Variants in MPG observed in about 807,000 individuals in gnomAD.
The protein encoded by MPG is N-methylpurine DNA glycosylase.
MPG carries 33 observed loss-of-function variants against 31.7 expected under a neutral mutation model. The ratio of observed to expected loss-of-function variants is 1.04; its 90% CI spans 0.79 to 1.39. MPG has a LOEUF of 1.39. Among genes scored for constraint, MPG ranks in the 40% most tolerant of loss-of-function variants. The pLI is 0.00. For synonymous variants in MPG, 202 were observed against 169.2 expected, an observed-to-expected ratio of 1.19 and a Z score of -1.51; for missense variants, 455 against 415.5, an observed-to-expected ratio of 1.10 and a Z score of -0.83.
intron 2 of MPG, among the ~76,000 whole-genome samples, chr16:81,304 C>T (rs1454237281): frequency 6.6e-6 from 1 of 152,162 alleles, no homozygotes; most frequent in South Asian, 2.1e-4. Flanking sequence ...AAATCCTGAT[C>T]AGAAATTTGG....
intron 1 of MPG, among the ~76,000 whole-genome samples, chr16:78,646 ATC>A (rs917615053): frequency 2.0e-5 from 3 of 152,118 alleles, no homozygotes; most frequent in Non-Finnish European, 4.4e-5. Flanking sequence ...AAAATAATGC[ATC>A]TCTCCCATGC....
chr16:78,177 C>A (rs76079375), upstream of MPG: 2 of 755,152 alleles, frequency 2.6e-6, no homozygotes, highest in South Asian at 3.8e-5. Flanking sequence ...CTCACTGCCC[C>A]CCTTCTCCCG....
chr16:85,346 G>A (rs1260145340), intron 3 of MPG, 55 bp from the exon 4 acceptor site: 2 of 1,531,880 alleles, frequency 1.3e-6, no homozygotes, highest in Non-Finnish European at 1.7e-6. Context: ...TGTGTACTAG[G>A]GCAGAGAGGA....
At chr16:83,373 T>TCCAGG in intron 3 of MPG, 117 bp downstream of exon 3, 2 of 1,058,096 alleles carry the variant, frequency 1.9e-6, no homozygotes, top group Non-Finnish European at 2.8e-6. Context: ...AGGTGCCACT[T>TCCAGG]CCAGGCCAGG....
intron 1 of MPG, 92 bp from the exon 2 acceptor site, chr16:79,333 T>C: frequency 6.2e-7 from 1 of 1,613,114 alleles, no homozygotes; most frequent in Non-Finnish European, 8.5e-7. Flanking sequence ...CCAAAGCAGG[T>C]GGTCAGATCC....
At chr16:80,397 A>G (rs1898207765) in intron 2 of MPG, among the ~76,000 whole-genome samples, 1 of 152,222 alleles carries the variant, frequency 6.6e-6, no homozygotes, top group Non-Finnish European at 1.5e-5. Context: ...GAACCAGAAG[A>G]GAAATACCAG....
intron 1 of MPG, among the ~76,000 whole-genome samples, chr16:78,981 C>A (rs1028960200): frequency 7.3e-6 from 1 of 137,912 alleles, no homozygotes; most frequent in African/African-American, 3.6e-5. Context: ...CGACCTTGGC[C>A]CTGCTAAGAT....
rs776228234 is a variant in MPG at position 85,551 on chromosome 16, C to T, written c.656C>T (p.Ala219Val). ...LCSGPSKLCQ[A>V]LAINKSFDQR... ...AGTGGCCCCTCCAAGCTGTGCCAGGCCCTGGCCATCAACAAGAGCTTTGAC... is the reference window on the plus strand; with the variant it reads ...AGTGGCCCCTCCAAGCTGTGCCAGGTCCTGGCCATCAACAAGAGCTTTGAC... The change falls in exon 4 of 4, where the codon GCC becomes GTC. Residue 219 changes from alanine (A) to valine (V), a missense_variant. By Grantham distance (64) the Ala-to-Val change is moderately conservative. Coordinates refer to ENST00000356432, the MANE Select transcript of MPG (RefSeq NM_001015052.3). The T allele has an allele frequency of 4.3e-6, 7 of 1,613,406 alleles. No homozygotes were observed. The South Asian group carries it at 6.6e-5, about 15-fold the overall frequency.
chr16:81,990 C>T (rs550311300), intron 2 of MPG, among the ~76,000 whole-genome samples: 1 of 121,474 alleles, frequency 8.2e-6, no homozygotes, highest in African/African-American at 5.1e-5. Context: ...TTCTTCCCAC[C>T]ACCCTATCTC....
chr16:85,348 CAG>C, intron 3 of MPG, 51 bp from the exon 4 acceptor site: 19 of 1,533,436 alleles, frequency 1.2e-5, no homozygotes, highest in Non-Finnish European at 1.7e-5. Flanking sequence ...TGTACTAGGG[CAG>C]AGAGGACAGG....
rs760169448 is a variant in MPG, at chr16:79,593, C to G, written c.193C>G (p.Pro65Ala). ...RCLGPPTTPG[P>A]YRSIYFSSPK... ...CTTGGGACCGCCCACCACTCCGGGCCCATACCGCAGCATCTATTTCTCAAG... is the reference window on the plus strand; with the variant it reads ...CTTGGGACCGCCCACCACTCCGGGCGCATACCGCAGCATCTATTTCTCAAG... The change falls in exon 2 of 4, where the codon CCA becomes GCA. Residue 65 changes from proline to alanine, a missense_variant. Physicochemically the swap from Pro to Ala is conservative, Grantham distance 27. Coordinates refer to ENST00000356432, the MANE Select transcript of MPG (RefSeq NM_001015052.3). The G allele has an allele frequency of 2.8e-5, 45 of 1,609,376 alleles. No homozygotes were observed. The highest frequency in any genetic ancestry group is 3.7e-5 in the Non-Finnish European group (44 of 1,178,114).
intron 3 of MPG, chr16:84,160 G>A (rs549442699): frequency 3.5e-4 from 53 of 152,402 alleles, no homozygotes; most frequent in African/African-American, 1.0e-3. Context: ...CCACAGGGAT[G>A]TAGAGGGTCC....
At chr16:85,361 A>G in intron 3 of MPG, 40 bp from the exon 4 acceptor site, 1 of 1,554,904 alleles carries the variant, frequency 6.4e-7, no homozygotes, top group Non-Finnish European at 8.7e-7. Flanking sequence ...AGAGGACAGG[A>G]GCCTAGGGAG....
At position 85,579 on chromosome 16, in the gene MPG, G is replaced by C. The variant is rs2141891855; in HGVS notation, c.684G>C (p.Gln228His). ...TGGCCATCAACAAGAGCTTTGACCA[G>C]AGGGACCTGGCACAGGATGAAGCTG... ...QALAINKSFD[Q>H]RDLAQDEAVW... The change falls in exon 4 of 4, where the codon CAG becomes CAC. Residue 228 changes from glutamine (Q) to histidine (H), a missense_variant. Gln to His is a conservative substitution (Grantham distance 24, BLOSUM62 0). Transcript: ENST00000356432. 1 of 1,613,256 alleles carries C rather than the reference G, an allele frequency of 6.2e-7. No individual in the cohort carries two copies. The highest frequency in any genetic ancestry group is 1.1e-5 in the South Asian group (1 of 91,064).
chr16:82,483 C>G (rs1279083193), intron 2 of MPG, among the ~76,000 whole-genome samples: 1 of 152,220 alleles, frequency 6.6e-6, no homozygotes, highest in East Asian at 1.9e-4. Context: ...GGACCATGGT[C>G]CAGGCTGGGG....
At position 83,275 on chromosome 16, in the gene MPG, CG is replaced by C; in HGVS notation, c.505+25del. 2 of 1,599,620 alleles carry C rather than the reference CG, an allele frequency of 1.3e-6. No individual in the cohort carries two copies. The highest frequency in any genetic ancestry group is 1.7e-6 in the Non-Finnish European group (2 of 1,170,562). The stretch of plus-strand genomic sequence containing the variant: ...AGCCAGGGTGAGCAGTGCTGGGGCA[CG>C]GGGGGTTGGAGGGCCGGCAGAGCCC... On this transcript the variant is annotated intron_variant, in intron 3 of 3. Coordinates refer to ENST00000356432, the MANE Select transcript of MPG (RefSeq NM_001015052.3).
intron 3 of MPG, 126 bp from the exon 4 acceptor site, chr16:85,275 G>C (rs1215970410): frequency 1.2e-5 from 14 of 1,147,560 alleles, no homozygotes; most frequent in East Asian, 4.7e-5. Context: ...GGTGCACAGA[G>C]CAGGTCCCTG....
At position 85,842 on chromosome 16, in the gene MPG, G is replaced by T; in HGVS notation, c.*65G>T. 5.0e-6 allele frequency: 7 copies of T among 1,406,952 alleles called. No individual in the cohort carries two copies. The highest frequency in any genetic ancestry group is 5.6e-6 in the Non-Finnish European group (6 of 1,077,748). The allele number at this position is 1,406,952 out of a possible 1,614,324, so 87.2% of individuals were successfully genotyped here. On this transcript the variant is annotated 3_prime_UTR_variant, in exon 4 of 4. Coordinates refer to ENST00000356432, the MANE Select transcript of MPG (RefSeq NM_001015052.3). Reference sequence around the variant, plus strand: ...AAACCGAATAAATGTTTTATTTCTAGAAAACTGTGCCTTAGCCAGAGCTCC... The same window carrying T: ...AAACCGAATAAATGTTTTATTTCTATAAAACTGTGCCTTAGCCAGAGCTCC...
Position 83,175 on chromosome 16 carries a change from C to A in MPG, c.424C>A (p.Arg142=). The A allele has an allele frequency of 6.2e-7, 1 of 1,613,222 alleles. No homozygotes were observed. The highest frequency in any genetic ancestry group is 8.5e-7 in the Non-Finnish European group (1 of 1,179,954). ...SRGGRQTPRN[R]GMFMKPGTLY... The stretch of plus-strand genomic sequence containing the variant: ...GGGTGGCCGGCAGACCCCCCGCAAC[C>A]GAGGCATGTTCATGAAGCCGGGGAC... The change falls in exon 3 of 4, where the codon CGA becomes AGA. Residue 142 remains arginine (R), a synonymous_variant. Transcript: ENST00000356432.
Sources: allele counts gnomAD v4.1 joint callset (sites outside exome capture counted in the v4.1 genomes callset), GRCh38; gene constraint gnomAD v4.1.1; transcripts MANE v1.5; gene names NCBI Gene and HGNC (gene_info 2026-07-23, HGNC 2026-07-21).